The following ABR variants were observed in gnomAD, a reference collection of about 807,000 sequenced individuals.
ABR encodes the protein ABR activator of RhoGEF and GTPase, also known as active breakpoint cluster region-related protein.
Under a neutral mutation model 107.2 loss-of-function variants are expected in ABR, and 35 were observed. The ratio of observed to expected loss-of-function variants is 0.33; its 90% CI spans 0.25 to 0.43. ABR has a LOEUF of 0.43. ABR is among the 20% of genes least tolerant of loss of function. The pLI, the probability that ABR is intolerant of heterozygous loss-of-function variation, is 1.00. For synonymous variants in ABR, 498 were observed against 462.0 expected (o/e 1.08, Z -1.00); for missense variants, 815 against 1,115.2 (o/e 0.73, Z 3.83).
intron 2 of ABR, among the ~76,000 whole-genome samples, chr17:1,117,380 T>TC (rs2039058283): frequency 3.3e-5 from 2 of 60,628 alleles, no homozygotes; most frequent in African/African-American, 6.1e-5. Flanking sequence ...CCTGAGTTCC[T>TC]CCCAGCGTTA....
chr17:1,086,893 G>C (rs2036626591), intron 4 of ABR, among the ~76,000 whole-genome samples: 1 of 151,964 alleles, frequency 6.6e-6, no homozygotes, highest in Non-Finnish European at 1.5e-5. Context: ...AGGATCACTT[G>C]AGCCCGAGTT....
intron 16 of ABR, among the ~76,000 whole-genome samples, chr17:1,042,350 C>G (rs111845038): frequency 6.7e-6 from 1 of 149,406 alleles, no homozygotes; most frequent in African/African-American, 2.5e-5. Context: ...AGACGTGGCA[C>G]CTACATCCAC....
intron 10 of ABR, among the ~76,000 whole-genome samples, chr17:1,062,039 T>C (rs987242338): frequency 6.6e-6 from 1 of 152,110 alleles, no homozygotes; most frequent in Non-Finnish European, 1.5e-5. Flanking sequence ...ACCAAGACTG[T>C]GGTGGGCGTG....
rs974325346 is a variant in ABR at position 1,200,798 on chromosome 17, C to A, written c.838+27995G>T. On this transcript the variant is annotated intron_variant, in intron 1 of 22. Coordinates refer to the ABR transcript ENST00000574139. The surrounding 1 kb of genome is among the most constrained non-coding windows in gnomAD (Gnocchi z 4.1). ...AGGAACATGACCTGGGTTATCAGCA[C>A]CGTCCAGGGACACCAGAGATAAAGC... Among the ~76,000 whole-genome samples, 2 of 152,126 alleles carry A rather than the reference C, an allele frequency of 1.3e-5. No individual in the cohort carries two copies. Among genetic ancestry groups the A allele is most frequent in the African/African-American group, 4.8e-5 (2 of 41,424 alleles).
chr17:1,139,204 C>T (rs968730844), intron 1 of ABR, among the ~76,000 whole-genome samples: 6 of 152,076 alleles, frequency 3.9e-5, no homozygotes, highest in African/African-American at 1.4e-4. Flanking sequence ...CTTATAACTC[C>T]TTAAAGTGAG....
rs1386322052 is a variant in ABR, at chr17:1,078,227, C to G, written c.700+1103G>C. On this transcript the variant is annotated intron_variant, in intron 6 of 22. Transcript: ENST00000302538. This position sits in a 1 kb window ranked among gnomAD's most constrained non-coding sequence, Gnocchi z 7.5. ...CCAGACCTCGGCTGGGGGTCTCTCACGGCTGGAAACAAACCTCTCCTTCCT... is the reference window on the plus strand; with the variant it reads ...CCAGACCTCGGCTGGGGGTCTCTCAGGGCTGGAAACAAACCTCTCCTTCCT... 6.6e-6 allele frequency among the ~76,000 whole-genome samples: 1 copy of G among 152,080 alleles called. No homozygotes were observed. Among genetic ancestry groups the G allele is most frequent in the Non-Finnish European group, 1.5e-5 (1 of 67,996 alleles).
intron 2 of ABR, among the ~76,000 whole-genome samples, chr17:1,124,350 G>A (rs917502849): frequency 7.9e-5 from 12 of 152,220 alleles, no homozygotes; most frequent in East Asian, 1.9e-4. Flanking sequence ...ACACCCGGAC[G>A]AGCAGGACCA....
intron 2 of ABR, among the ~76,000 whole-genome samples, chr17:1,119,846 G>C (rs190532638): frequency 6.6e-6 from 1 of 152,192 alleles, no homozygotes; most frequent in African/African-American, 2.4e-5. Flanking sequence ...TCAATAACAC[G>C]CTGCCCCACT....
rs143125780 is a variant in ABR, at chr17:1,013,098, G to A, written c.1851+7C>T. 2.9e-3 allele frequency: 4,615 copies of A among 1,613,910 alleles called. 11 individuals carry two copies. Among genetic ancestry groups the A allele is most frequent in the Middle Eastern group, 5.2e-3 (31 of 6,018 alleles). On this transcript the variant is annotated splice_region_variant and intron_variant, in intron 17 of 22. Coordinates refer to ENST00000302538, the MANE Select transcript of ABR (RefSeq NM_021962.5). Reference sequence around the variant, plus strand: ...CACGCCACTGATCATTCCCATCCCCGGCTCACCCCGTTCATCTCAATCACG... The same window carrying A: ...CACGCCACTGATCATTCCCATCCCCAGCTCACCCCGTTCATCTCAATCACG...
intron 3 of ABR, among the ~76,000 whole-genome samples, chr17:1,098,420 G>A (rs914324391): frequency 1.3e-5 from 2 of 152,122 alleles, no homozygotes; most frequent in Non-Finnish European, 2.9e-5. Context: ...AAGACACCAT[G>A]GGCCCGGCAA....
At chr17:1,061,020 A>G (rs1021946252) in intron 10 of ABR, among the ~76,000 whole-genome samples, 2 of 152,138 alleles carry the variant, frequency 1.3e-5, no homozygotes, top group Non-Finnish European at 2.9e-5. Flanking sequence ...AAAACAAAAA[A>G]CAAATCACTG....
chr17:1,155,954 CAAAAAAAAAAAA>C (rs35068873), intron 1 of ABR: 1 of 85,732 alleles, frequency 1.2e-5, no homozygotes. Context: ...AATTCCGTCT[CAAAAAAAAAAAA>C]AAAAAAAAGG....
intron 4 of ABR, among the ~76,000 whole-genome samples, chr17:1,086,924 T>C (rs959650215): frequency 5.3e-5 from 8 of 151,634 alleles, no homozygotes; most frequent in Admixed American, 2.0e-4. Context: ...CTGGACAACA[T>C]AGCAAGACCT....
intron 16 of ABR, among the ~76,000 whole-genome samples, chr17:1,017,311 G>A (rs73283448): frequency 0.019 from 2,901 of 151,972 alleles, 124 homozygotes; most frequent in African/African-American, 0.066. Context: ...GCTGTCCCTC[G>A]TAGTTCCTTC....
At chr17:1,013,287 A>G in intron 16 of ABR, 123 bp from the exon 17 acceptor site, 1 of 966,910 alleles carries the variant, frequency 1.0e-6, no homozygotes. Flanking sequence ...AGCAGCTGGG[A>G]TAAGCTGATG....
Position 1,010,387 on chromosome 17 carries a change from C to A in ABR, c.2236+342G>T. The A allele has an allele frequency of 3.2e-6, 1 of 312,714 alleles. No homozygotes were observed. The highest frequency in any genetic ancestry group is 4.2e-5 in the South Asian group (1 of 23,604). The allele number at this position is 312,714 out of a possible 1,614,324, so 19.4% of individuals were successfully genotyped here. ...AGTGCCCTATGGCTTAAGCCAGCCT[C>A]CTCCTTGGTTCTGGGATGCTGGCTT... is the stretch of plus-strand genomic sequence containing the variant. On this transcript the variant is annotated intron_variant, in intron 20 of 22. Transcript: ENST00000302538. This position sits in a 1 kb window ranked among gnomAD's most constrained non-coding sequence, Gnocchi z 4.1.
At chr17:1,065,265 CACT>C (rs2034580161) in intron 10 of ABR, among the ~76,000 whole-genome samples, 1 of 13,220 alleles carries the variant, frequency 7.6e-5, no homozygotes, top group Admixed American at 6.2e-4. Flanking sequence ...TTCCTCTAGA[CACT>C]GCTGTTACGT....
Position 1,050,267 on chromosome 17 carries a change from G to A in ABR, c.1660-86C>T. The A allele has an allele frequency of 1.5e-5, 22 of 1,511,404 alleles. No homozygotes were observed. Among genetic ancestry groups the A allele is most frequent in the Non-Finnish European group, 2.0e-5 (22 of 1,124,672 alleles). The allele number at this position is 1,511,404 out of a possible 1,614,324, so 93.6% of individuals were successfully genotyped here. The stretch of plus-strand genomic sequence containing the variant: ...CAGGTGCGTGCCTCAGCTTTGCAAG[G>A]AGGAGGGAGTAAGCACGGCCCACGA... On this transcript the variant is annotated intron_variant, in intron 15 of 22. Transcript: ENST00000302538. This position sits in a 1 kb window ranked among gnomAD's most constrained non-coding sequence, Gnocchi z 4.6.
chr17:1,022,475 A>C, intron 16 of ABR: 1 of 153,498 alleles, frequency 6.5e-6, no homozygotes. Context: ...AGTTGCCAAG[A>C]CCCTGCCTCT....
Sources: allele counts gnomAD v4.1 joint callset (sites outside exome capture counted in the v4.1 genomes callset), GRCh38; gene constraint gnomAD v4.1.1; non-coding constraint Gnocchi (gnomAD v3.1); transcripts MANE v1.5; gene names NCBI Gene and HGNC (gene_info 2026-07-23, HGNC 2026-07-21).